Variants in CFAP74 observed in about 807,000 individuals in gnomAD.
CFAP74 encodes cilia and flagella associated protein 74.
CFAP74 carries 124 observed loss-of-function variants against 188.9 expected under a neutral mutation model. The ratio of observed to expected loss-of-function variants is 0.66; its 90% CI spans 0.57 to 0.76. The LOEUF (loss-of-function observed/expected upper bound fraction) is 0.76. Among genes scored for constraint, CFAP74 ranks in the 30% least tolerant of loss-of-function variants. CFAP74 has a pLI of 0.00. For synonymous variants in CFAP74, 956 were observed against 916.7 expected (o/e 1.04, Z -0.77); for missense variants, 2,198 against 2,165.2 (o/e 1.02, Z -0.30).
intron 1 of CFAP74, among the ~76,000 whole-genome samples, chr1:1,997,225 C>A (rs1014187183): frequency 6.6e-6 from 1 of 151,734 alleles, no homozygotes; most frequent in Non-Finnish European, 1.5e-5. Context: ...GAGTTCGAGA[C>A]CAGCCTGACC....
chr1:1,923,756 T>C lies in CFAP74; in HGVS notation c.4389+19A>G. 1 of 1,613,010 alleles carries C rather than the reference T, an allele frequency of 6.2e-7. No homozygotes were observed. The highest frequency in any genetic ancestry group is 2.2e-5 in the East Asian group (1 of 44,876). On this transcript the variant is annotated intron_variant, in intron 35 of 38. Coordinates refer to ENST00000682832, the MANE Select transcript of CFAP74 (RefSeq NM_001304360.2). The surrounding 1 kb of genome is among the most constrained non-coding windows in gnomAD (Gnocchi z 6.3). ...GGCCAGGGCCGGGCCGGGCTGAGCT[T>C]GCAGAGCCAGAGCCGCACCTTTTCA...
chr1:1,981,386 G>A (rs1472220360), intron 6 of CFAP74, among the ~76,000 whole-genome samples: 3 of 151,952 alleles, frequency 2.0e-5, no homozygotes, highest in Non-Finnish European at 4.4e-5. Context: ...ACCCTCGGGG[G>A]CTGGCACAGC....
At chr1:1,988,767 T>C in intron 3 of CFAP74, 112 bp from the exon 4 acceptor site, 1 of 1,395,614 alleles carries the variant, frequency 7.2e-7, no homozygotes, top group Non-Finnish European at 9.8e-7. Flanking sequence ...GGGCGGGAGC[T>C]GCGGGAGCTA....
rs768948652 is a variant in CFAP74 at position 1,985,504 on chromosome 1, C to T, written c.396-14G>A. 47 of 1,607,036 alleles carry T rather than the reference C, an allele frequency of 2.9e-5. No individual in the cohort carries two copies. Among genetic ancestry groups the T allele is most frequent in the Middle Eastern group, 1.7e-4 (1 of 6,042 alleles). ...CCCACAGCGGCCCTGCAGTGGTGAA[C>T]GGACAGGCCGGGCGTGTGTCAGGCC... On this transcript the variant is annotated splice_polypyrimidine_tract_variant and intron_variant, in intron 5 of 38. Coordinates refer to ENST00000682832, the MANE Select transcript of CFAP74 (RefSeq NM_001304360.2).
intron 22 of CFAP74, 144 bp downstream of exon 22, chr1:1,941,884 C>A: frequency 2.3e-6 from 2 of 875,958 alleles, no homozygotes; most frequent in Non-Finnish European, 3.1e-6. Context: ...CCCCCAGCGT[C>A]ATGGCCTCTG....
chr1:1,980,389 TATCTAA>T lies in CFAP74; in HGVS notation c.500+4991_500+4996del, dbSNP rs1311627396. 3.1e-4 allele frequency among the ~76,000 whole-genome samples: 25 copies of T among 81,146 alleles called. 12 individuals carry two copies. Among genetic ancestry groups the T allele is most frequent in the African/African-American group, 1.2e-3 (23 of 19,880 alleles). 53.2% of individuals were successfully genotyped at this position (81,146 alleles called of 152,430 possible). A position where few individuals can be genotyped will look rare whatever the true frequency, so the allele number is the denominator to read the frequency against. On this transcript the variant is annotated intron_variant, in intron 6 of 38. Transcript: ENST00000682832. Reference sequence around the variant, plus strand: ...GGGAGGACGGGTGAACGAGAGACTGTATCTAAGCCACCGGCACAGATCGCAGTGGGC... The same window carrying T: ...GGGAGGACGGGTGAACGAGAGACTGTGCCACCGGCACAGATCGCAGTGGGC...
Position 1,933,166 on chromosome 1 carries a change from G to A in CFAP74, c.3012-2830C>T, listed in dbSNP as rs528286292. Among the ~76,000 whole-genome samples the A allele has an allele frequency of 4.4e-4, 66 of 150,834 alleles. 2 individuals are homozygous for A. In the South Asian group the frequency reaches 6.7e-3, roughly 15 times the overall value. ...CTCCCAAAGTGCTGGGATTACATGC[G>A]GGAGCCACCGTGCCTGACCTTTTTT... On this transcript the variant is annotated intron_variant, in intron 25 of 38. Transcript: ENST00000682832.
intron 14 of CFAP74, among the ~76,000 whole-genome samples, chr1:1,961,923 C>G (rs1655115244): frequency 6.6e-6 from 1 of 152,172 alleles, no homozygotes; most frequent in Non-Finnish European, 1.5e-5. Flanking sequence ...GCCATCAGAG[C>G]CCACGCGCCC....
At chr1:1,970,576 T>C (rs1570942931) in intron 10 of CFAP74, 83 bp downstream of exon 10, 1 of 1,445,804 alleles carries the variant, frequency 6.9e-7, no homozygotes, top group South Asian at 1.3e-5. Flanking sequence ...CTTTGCTCAA[T>C]GTGAAGCCGA....
chr1:1,941,915 G>A (rs1008672574), intron 22 of CFAP74, 113 bp downstream of exon 22: 63 of 1,151,226 alleles, frequency 5.5e-5, no homozygotes, highest in Non-Finnish European at 7.1e-5. Flanking sequence ...CATCCCTGGA[G>A]GCTGATGATC....
At chr1:1,932,118 C>T (rs1277096421) in intron 25 of CFAP74, among the ~76,000 whole-genome samples, 25 of 138,688 alleles carry the variant, frequency 1.8e-4, no homozygotes, top group African/African-American at 3.5e-4. Context: ...AAATGTAGGC[C>T]GGGCGCGGTG....
intron 25 of CFAP74, among the ~76,000 whole-genome samples, chr1:1,938,420 C>G (rs1375912520): frequency 6.6e-6 from 1 of 151,452 alleles, no homozygotes; most frequent in Non-Finnish European, 1.5e-5. Context: ...ACTCACATAC[C>G]TGCACTCACA....
At chr1:1,959,007 T>G in intron 16 of CFAP74, 113 bp downstream of exon 16, 5 of 707,062 alleles carry the variant, frequency 7.1e-6, no homozygotes, top group Non-Finnish European at 9.8e-6. Flanking sequence ...AGATTGGAGC[T>G]TCCACCTGGT....
intron 33 of CFAP74, 106 bp downstream of exon 33, chr1:1,925,677 G>T: frequency 1.6e-6 from 2 of 1,281,396 alleles, no homozygotes; most frequent in East Asian, 2.5e-5. Context: ...GTGTCCCCAC[G>T]GGCTCTCCGA....
At chr1:1,928,748 C>T (rs945645225) in intron 27 of CFAP74, 36 bp downstream of exon 27, 1 of 1,488,258 alleles carries the variant, frequency 6.7e-7, no homozygotes, top group African/African-American at 1.4e-5. Flanking sequence ...CAGGCCCTTC[C>T]CCGACCTACG....
chr1:1,938,080 C>T (rs58278235), intron 25 of CFAP74, among the ~76,000 whole-genome samples: 36 of 148,110 alleles, frequency 2.4e-4, no homozygotes, highest in African/African-American at 8.1e-4. Flanking sequence ...CCAACACACA[C>T]GCACTCACAC....
At chr1:1,972,170 TC>T in intron 8 of CFAP74, 88 bp from the exon 9 acceptor site, 1 of 990,980 alleles carries the variant, frequency 1.0e-6, no homozygotes, top group Non-Finnish European at 1.6e-6. Flanking sequence ...AGCCTCGACC[TC>T]CCAGGCTCAA....
At chr1:1,981,302 G>A (rs1289214803) in intron 6 of CFAP74, among the ~76,000 whole-genome samples, 7 of 152,218 alleles carry the variant, frequency 4.6e-5, no homozygotes, top group Non-Finnish European at 7.3e-5. Flanking sequence ...CATTGGCCAC[G>A]GAGACCTTGA....
intron 14 of CFAP74, 136 bp downstream of exon 14, chr1:1,963,613 C>T (rs1163497595): frequency 5.1e-6 from 3 of 584,550 alleles, no homozygotes; most frequent in African/African-American, 1.9e-5. Flanking sequence ...GCCCCCTCTA[C>T]AAAATCTTCG....
Sources: gnomAD v4.1 joint callset for allele counts (sites outside exome capture counted in the v4.1 genomes callset) on GRCh38, gnomAD v4.1.1 for gene constraint, Gnocchi (gnomAD v3.1) non-coding constraint, MANE v1.5 for transcripts, NCBI Gene and HGNC (gene_info 2026-07-23, HGNC 2026-07-21) for gene names.